The following GSG1L variants were observed in gnomAD, a reference collection of about 807,000 sequenced individuals.
GSG1L encodes the protein germ cell-specific gene 1-like protein.
A neutral mutation model predicts 42.1 loss-of-function variants in GSG1L; 24 were observed. The observed-to-expected ratio is 0.57, with a 90% CI of 0.41 to 0.80. The LOEUF is 0.80. Among genes scored for constraint, GSG1L ranks in the 30% least tolerant of loss-of-function variants. GSG1L has a pLI of 0.00. For missense variants in GSG1L, 445 were observed against 472.2 expected (o/e 0.94, Z 0.53); for synonymous variants, 215 against 203.5 (o/e 1.06, Z -0.48).
chr16:27,998,101 C>G (rs1257557245), intron 1 of GSG1L, among the ~76,000 whole-genome samples: 1 of 152,088 alleles, frequency 6.6e-6, no homozygotes, highest in Non-Finnish European at 1.5e-5. Context: ...AGGTAATCCA[C>G]CCACCTCGGC....
chr16:27,912,616 A>G (rs2084405043), intron 2 of GSG1L, among the ~76,000 whole-genome samples: 1 of 152,250 alleles, frequency 6.6e-6, no homozygotes, highest in East Asian at 1.9e-4. Flanking sequence ...AAAAATGATT[A>G]GTATGAAGAT....
chr16:28,017,195 T>G lies in GSG1L; in HGVS notation c.349+45881A>C, dbSNP rs538651504. Among the ~76,000 whole-genome samples, 5 of 152,278 alleles carry G rather than the reference T, an allele frequency of 3.3e-5. No homozygotes were observed. In the South Asian group the frequency reaches 1.0e-3, roughly 32 times the overall value. On this transcript the variant is annotated intron_variant, in intron 1 of 6. Coordinates refer to ENST00000447459, the MANE Select transcript of GSG1L (RefSeq NM_001109763.2). ...GCCTTATTTCAGGACCCCAGCATCA[T>G]TCTGGGGTGACTGTTTGAAGAAGTA...
chr16:27,852,637 G>A (rs1177166708), intron 3 of GSG1L, among the ~76,000 whole-genome samples: 1 of 152,204 alleles, frequency 6.6e-6, no homozygotes, highest in Non-Finnish European at 1.5e-5. Context: ...TGGGGCACGT[G>A]AGAGGTGAGA....
At chr16:27,984,230 G>T (rs965908281) in intron 1 of GSG1L, among the ~76,000 whole-genome samples, 1 of 152,100 alleles carries the variant, frequency 6.6e-6, no homozygotes, top group African/African-American at 2.4e-5. Context: ...TCTTTCTTTG[G>T]CATCTCAGCT....
chr16:27,981,359 G>C (rs1294350102), intron 1 of GSG1L, among the ~76,000 whole-genome samples: 1 of 152,188 alleles, frequency 6.6e-6, no homozygotes, highest in Non-Finnish European at 1.5e-5. Flanking sequence ...AATGGGGAAT[G>C]ATTTTAACTG....
At chr16:27,962,200 A>C (rs2085079921) in intron 2 of GSG1L, among the ~76,000 whole-genome samples, 1 of 152,202 alleles carries the variant, frequency 6.6e-6, no homozygotes, top group Admixed American at 6.5e-5. Context: ...ATAATAACAA[A>C]ACTCCTGACT....
At chr16:27,931,165 T>A (rs1255743890) in intron 2 of GSG1L, among the ~76,000 whole-genome samples, 1 of 152,210 alleles carries the variant, frequency 6.6e-6, no homozygotes, top group African/African-American at 2.4e-5. Context: ...GCTTCTTCAC[T>A]CGGGCTCTTC....
At chr16:27,865,041 T>C (rs1181816676) in intron 3 of GSG1L, among the ~76,000 whole-genome samples, 1 of 152,180 alleles carries the variant, frequency 6.6e-6, no homozygotes, top group African/African-American at 2.4e-5. Context: ...GAGGTCCCCT[T>C]AGACTTGGAG....
intron 1 of GSG1L, among the ~76,000 whole-genome samples, chr16:28,013,711 C>T (rs140765826): frequency 1.3e-5 from 2 of 152,194 alleles, no homozygotes; most frequent in Admixed American, 6.5e-5. Flanking sequence ...CCAAGCGCCA[C>T]GTTAAGGCAT....
At chr16:27,882,584 T>A (rs1489583481) in intron 3 of GSG1L, among the ~76,000 whole-genome samples, 1 of 152,162 alleles carries the variant, frequency 6.6e-6, no homozygotes. Context: ...ATCAGGCCTT[T>A]GCTTACGCTG....
chr16:27,913,797 G>C (rs188889775), intron 2 of GSG1L, among the ~76,000 whole-genome samples: 2 of 152,150 alleles, frequency 1.3e-5, no homozygotes, highest in Admixed American at 1.3e-4. Flanking sequence ...CTGCCCCAGG[G>C]CTACAGCAAT....
intron 1 of GSG1L, among the ~76,000 whole-genome samples, chr16:28,006,888 G>A (rs1307340451): frequency 1.3e-5 from 2 of 152,082 alleles, no homozygotes; most frequent in South Asian, 2.1e-4. Context: ...AGGACCCCTC[G>A]GGAACAGGAG....
chr16:27,793,036 T>C (rs2144386732), intron 6 of GSG1L, among the ~76,000 whole-genome samples: 1 of 152,386 alleles, frequency 6.6e-6, no homozygotes, highest in South Asian at 2.1e-4. Context: ...CCTACTCTGA[T>C]TCTCAGACAT....
Position 27,955,908 on chromosome 16 carries a change from GGAAGGAAGGAAGGAAGGAAA to G in GSG1L, c.397+7228_397+7247del, listed in dbSNP as rs1365055327. Among the ~76,000 whole-genome samples, 1,073 of 147,054 alleles carry G rather than the reference GGAAGGAAGGAAGGAAGGAAA, an allele frequency of 7.3e-3. 12 individuals are homozygous for G. The highest frequency in any genetic ancestry group is 0.026 in the African/African-American group (1,003 of 38,452). ...AGGAAGGAAGGAAGGAAGGAAGGAAGGAAGGAAGGAAGGAAGGAAAGAAGGAAGGAAGGAAGGGAGGAAGG... is the reference window on the plus strand; with the variant it reads ...AGGAAGGAAGGAAGGAAGGAAGGAAGGAAGGAAGGAAGGAAGGGAGGAAGG... On this transcript the variant is annotated intron_variant, in intron 2 of 6. Coordinates refer to ENST00000447459, the MANE Select transcript of GSG1L (RefSeq NM_001109763.2).
rs1315548237 is a variant in GSG1L at position 27,865,558 on chromosome 16, TATATATATATATATACAC to T, written c.550+18910_550+18927del. On this transcript the variant is annotated intron_variant, in intron 3 of 6. Coordinates refer to ENST00000447459, the MANE Select transcript of GSG1L (RefSeq NM_001109763.2). Reference sequence around the variant, plus strand: ...ATATATATATATATATATATATATATATATATATATATATACACACACACATACATACATACACACACA... The same window carrying T: ...ATATATATATATATATATATATATATACACACATACATACATACACACACA... Among the ~76,000 whole-genome samples, 236 of 22,690 alleles carry T rather than the reference TATATATATATATATACAC, an allele frequency of 0.01. 15 individuals are homozygous for T. In the East Asian group the frequency reaches 0.15, roughly 15 times the overall value. 14.9% of individuals were successfully genotyped at this position (22,690 alleles called of 152,430 possible).
rs952655196 is a variant in GSG1L at position 27,884,952 on chromosome 16, C to A, written c.398-314G>T. ...ACCACTGAGAGCCAGCTTGCCGCCA[C>A]CAGTTTAGGGTGAAGCTGACACTGT... On this transcript the variant is annotated intron_variant, in intron 2 of 6. Coordinates refer to ENST00000447459, the MANE Select transcript of GSG1L (RefSeq NM_001109763.2). The surrounding 1 kb of genome is among the most constrained non-coding windows in gnomAD (Gnocchi z 4.4). 6.6e-6 allele frequency among the ~76,000 whole-genome samples: 1 copy of A among 152,062 alleles called. No individual in the cohort carries two copies. Among genetic ancestry groups the A allele is most frequent in the Non-Finnish European group, 1.5e-5 (1 of 68,018 alleles).
At chr16:27,816,970 A>G (rs1330321384) in intron 5 of GSG1L, among the ~76,000 whole-genome samples, 1 of 152,158 alleles carries the variant, frequency 6.6e-6, no homozygotes, top group Non-Finnish European at 1.5e-5. Context: ...TGACTGTGCC[A>G]TGTCACAGTC....
intron 3 of GSG1L, among the ~76,000 whole-genome samples, chr16:27,851,633 C>T (rs1013665262): frequency 6.6e-6 from 1 of 152,144 alleles, no homozygotes; most frequent in African/African-American, 2.4e-5. Context: ...AGTGGGAAAG[C>T]ACAAACACGC....
chr16:27,968,219 T>G (rs1175040084), intron 1 of GSG1L, among the ~76,000 whole-genome samples: 1 of 152,120 alleles, frequency 6.6e-6, no homozygotes, highest in Non-Finnish European at 1.5e-5. Context: ...CTTCTGATTT[T>G]AAAATAAATT....
Sources: gnomAD v4.1 joint callset for allele counts (sites outside exome capture counted in the v4.1 genomes callset) on GRCh38, gnomAD v4.1.1 for gene constraint, Gnocchi (gnomAD v3.1) non-coding constraint, MANE v1.5 for transcripts, NCBI Gene and HGNC (gene_info 2026-07-23, HGNC 2026-07-21) for gene names.